LRRC1: variants seen among roughly 807,000 people sequenced by gnomAD.
LRRC1 encodes the protein leucine-rich repeat-containing protein 1.
LRRC1 carries 28 observed loss-of-function variants against 69.9 expected under a neutral mutation model. The observed-to-expected ratio is 0.40, with a 90% CI of 0.30 to 0.55. The LOEUF (loss-of-function observed/expected upper bound fraction) is 0.55, where lower values mean the gene tolerates loss of function less well. LRRC1 is among the 20% of genes least tolerant of loss of function. LRRC1 has a pLI of 0.47. For synonymous variants in LRRC1, 236 were observed against 240.2 expected (o/e 0.98, Z 0.16); for missense variants, 498 against 609.0 (o/e 0.82, Z 1.92).
At chr6:53,895,982 A>G (rs1767856214) in intron 4 of LRRC1, among the ~76,000 whole-genome samples, 1 of 152,206 alleles carries the variant, frequency 6.6e-6, no homozygotes, top group South Asian at 2.1e-4. Context: ...TGATCCATGA[A>G]TTTATGATCA....
Position 53,822,519 on chromosome 6 carries a change from A to G in LRRC1, c.160-19591A>G, listed in dbSNP as rs147547681. Among the ~76,000 whole-genome samples the G allele has an allele frequency of 3.3e-5, 5 of 152,302 alleles. No individual in the cohort carries two copies. In the South Asian group the frequency reaches 8.3e-4, roughly 25 times the overall value. On this transcript the variant is annotated intron_variant, in intron 1 of 13. Coordinates refer to ENST00000370888, the MANE Select transcript of LRRC1 (RefSeq NM_018214.5). ...ATAAGTGACTTGGAGCAGTGAAAGC[A>G]TGTCTTACTAAAGGTTGTTGGGGAG... is the stretch of plus-strand genomic sequence containing the variant.
At chr6:53,899,297 G>A (rs1050796811) in intron 7 of LRRC1, among the ~76,000 whole-genome samples, 3 of 152,178 alleles carry the variant, frequency 2.0e-5, no homozygotes, top group African/African-American at 7.2e-5. Flanking sequence ...TTGTGCTAAC[G>A]AGTGCTACCT....
intron 1 of LRRC1, among the ~76,000 whole-genome samples, chr6:53,840,918 G>GTT (rs1386553391): frequency 6.8e-6 from 1 of 146,468 alleles, no homozygotes; most frequent in Non-Finnish European, 1.5e-5. Context: ...GTGTGTGTGT[G>GTT]TGTGTGTGTG....
In LRRC1 at chr6:53,897,277, T is replaced by C; in HGVS notation, c.568-8T>C. On this transcript the variant is annotated splice_polypyrimidine_tract_variant and splice_region_variant and intron_variant, in intron 6 of 13. Transcript: ENST00000370888. The stretch of plus-strand genomic sequence containing the variant: ...TTGTTACCGTAACTTTTTTTTCTTT[T>C]GTTTTAGCCAGAATCAATTGGAGCC... 6.3e-7 allele frequency: 1 copy of C among 1,596,094 alleles called. No homozygotes were observed. Among genetic ancestry groups the C allele is most frequent in the Non-Finnish European group, 8.6e-7 (1 of 1,169,496 alleles).
At chr6:53,876,955 T>C (rs1241986727) in intron 2 of LRRC1, among the ~76,000 whole-genome samples, 1 of 152,224 alleles carries the variant, frequency 6.6e-6, no homozygotes, top group Non-Finnish European at 1.5e-5. Flanking sequence ...GTAGGGATTC[T>C]GTGTGGGTGC....
At chr6:53,878,956 T>C (rs1345797182) in intron 2 of LRRC1, 37 bp from the exon 3 acceptor site, 2 of 1,302,136 alleles carry the variant, frequency 1.5e-6, no homozygotes, top group Admixed American at 1.7e-5. Context: ...CTGTTAATAA[T>C]GGTGGCAAAT....
intron 2 of LRRC1, among the ~76,000 whole-genome samples, chr6:53,868,794 A>G (rs76866626): frequency 0.19 from 28,462 of 152,090 alleles, 2,918 homozygotes; most frequent in Middle Eastern, 0.33. Context: ...TCATTTTGAT[A>G]ACCTGTTGTT....
In LRRC1 at chr6:53,795,338, C is replaced by T. The variant is rs751143030; in HGVS notation, c.82C>T (p.Pro28Ser). The T allele has an allele frequency of 1.9e-6, 3 of 1,613,804 alleles. No individual in the cohort carries two copies. The highest frequency in any genetic ancestry group is 2.5e-6 in the Non-Finnish European group (3 of 1,179,968). ...GCGCCACTGCTCGCTGGTCTACGTC[C>T]CCGAGGAGATCTACCGCTATGCCCG... ...DKRHCSLVYV[P>S]EEIYRYARSL... The change falls in exon 1 of 14, where the codon CCC (proline) becomes TCC (serine). Residue 28 changes from proline to serine, a missense_variant. Physicochemically the swap from Pro to Ser is moderately conservative, Grantham distance 74. This residue lies in a region of LRRC1 where 70 missense variants were observed against 62.1 expected (regional missense o/e 1.13). Transcript: ENST00000370888.
intron 2 of LRRC1, among the ~76,000 whole-genome samples, chr6:53,878,628 T>C (rs1277266472): frequency 6.6e-6 from 1 of 152,186 alleles, no homozygotes; most frequent in Admixed American, 6.5e-5. Flanking sequence ...GCTGTAAATA[T>C]GGATGAAGCT....
chr6:53,922,779 A>G lies in LRRC1; in HGVS notation c.1561A>G (p.Thr521Ala). 1 of 1,613,862 alleles carries G rather than the reference A, an allele frequency of 6.2e-7. No homozygotes were observed. Among genetic ancestry groups the G allele is most frequent in the Non-Finnish European group, 8.5e-7 (1 of 1,179,848 alleles). The stretch of plus-strand genomic sequence containing the variant: ...GGTCAATCATGCCATTGACCGAGTG[A>G]CCACTTCTGTGTAGAGTTTCACCTC... ...NEVNHAIDRV[T>A]TSV Residue 521 changes from threonine to alanine, a missense_variant, in exon 14 of 14, where the codon ACC (threonine) becomes GCC (alanine). By Grantham distance (58) the Thr-to-Ala change is moderately conservative. Around this residue, in one of 3 missense-constraint regions of LRRC1, gnomAD observed 162 missense variants for 162.9 expected, o/e 0.99. Transcript: ENST00000370888.
chr6:53,913,296 A>G (rs775670769), intron 10 of LRRC1, among the ~76,000 whole-genome samples: 14 of 152,156 alleles, frequency 9.2e-5, no homozygotes, highest in Non-Finnish European at 1.6e-4. Context: ...ACCAAAAGCT[A>G]TTAAAAGATG....
chr6:53,874,489 T>G (rs1408419676), intron 2 of LRRC1, among the ~76,000 whole-genome samples: 1 of 152,176 alleles, frequency 6.6e-6, no homozygotes, highest in African/African-American at 2.4e-5. Context: ...GTGTTTGTTT[T>G]TCACTACCTC....
intron 9 of LRRC1, among the ~76,000 whole-genome samples, chr6:53,903,558 C>G (rs926489957): frequency 1.5e-4 from 23 of 150,214 alleles, no homozygotes; most frequent in African/African-American, 4.9e-4. Flanking sequence ...CTCTCTTTTC[C>G]CTTTTCCTTT....
intron 12 of LRRC1, 199 bp from the exon 13 acceptor site, chr6:53,920,426 C>G (rs1266571600): frequency 1.9e-5 from 10 of 515,634 alleles, no homozygotes; most frequent in Non-Finnish European, 3.1e-5. Flanking sequence ...CAACCTTGTC[C>G]CAGGCCTTTT....
At position 53,805,688 on chromosome 6, in the gene LRRC1, G is replaced by GAGTA. The variant is rs1367894538; in HGVS notation, c.159+10274_159+10275insGTAA. On this transcript the variant is annotated intron_variant, in intron 1 of 13. Transcript: ENST00000370888. ...TGAAAGTTACATGTGTTACTCTGTA[G>GAGTA]ACAGTGCTGAGAACAGTATCTGGGA... 2.0e-5 allele frequency among the ~76,000 whole-genome samples: 3 copies of GAGTA among 152,326 alleles called. No homozygotes were observed. The East Asian group carries it at 5.8e-4, about 29-fold the overall frequency.
chr6:53,897,163 A>C, intron 6 of LRRC1, 122 bp from the exon 7 acceptor site: 1 of 677,868 alleles, frequency 1.5e-6, no homozygotes, highest in Non-Finnish European at 2.5e-6. Context: ...TGTTAAGAGA[A>C]GTACCAGTGA....
intron 12 of LRRC1, 78 bp downstream of exon 12, chr6:53,919,748 C>A: frequency 7.7e-7 from 1 of 1,295,676 alleles, no homozygotes; most frequent in Non-Finnish European, 1.1e-6. Flanking sequence ...AGGCCTCTTA[C>A]TCCCTCATGT....
At chr6:53,862,755 C>T (rs1162509876) in intron 2 of LRRC1, among the ~76,000 whole-genome samples, 2 of 152,188 alleles carry the variant, frequency 1.3e-5, no homozygotes, top group African/African-American at 4.8e-5. Context: ...GGCTGGCTGC[C>T]TCCTCAGTGA....
At position 53,899,858 on chromosome 6, in the gene LRRC1, C is replaced by T; in HGVS notation, c.754C>T (p.Gln252Ter). ...TTCATTAACGGATTTAGTCATTTCCCAGAACTTATTAGAAACGATTCCGGA... is the reference window on the plus strand; with the variant it reads ...TTCATTAACGGATTTAGTCATTTCCTAGAACTTATTAGAAACGATTCCGGA... The part of the protein sequence containing the change: ...LTSLTDLVIS[Q>*]NLLETIPDGI... The change falls in exon 8 of 14, where the codon CAG (glutamine) becomes TAG (stop). Residue 252 changes from glutamine (Q) to a stop codon, truncating the protein, a stop_gained. Coordinates refer to ENST00000370888, the MANE Select transcript of LRRC1 (RefSeq NM_018214.5). LOFTEE classifies it high-confidence loss of function. 1 of 1,613,932 alleles carries T rather than the reference C, an allele frequency of 6.2e-7. No homozygotes were observed. The highest frequency in any genetic ancestry group is 8.5e-7 in the Non-Finnish European group (1 of 1,179,956).
Sources: gnomAD v4.1 joint callset for allele counts (sites outside exome capture counted in the v4.1 genomes callset) on GRCh38, gnomAD v4.1.1 for gene constraint, gnomAD v4.1.1 regional missense constraint, MANE v1.5 for transcripts, NCBI Gene and HGNC (gene_info 2026-07-23, HGNC 2026-07-21) for gene names.